PIK3C2G: variants seen among roughly 807,000 people sequenced by gnomAD.
PIK3C2G encodes the protein phosphatidylinositol 3-kinase C2 domain-containing subunit gamma.
A neutral mutation model predicts 181.1 loss-of-function variants in PIK3C2G; 168 were observed. That is an observed-to-expected ratio of 0.93 (90% confidence interval 0.82 to 1.05). PIK3C2G has a LOEUF of 1.05. Among genes scored for constraint, PIK3C2G ranks in the 50% least tolerant of loss-of-function variants. PIK3C2G has a pLI of 0.00. For synonymous variants in PIK3C2G, 573 were observed against 592.2 expected, an observed-to-expected ratio of 0.97 and a Z score of 0.47; for missense variants, 1,869 against 1,732.8, an observed-to-expected ratio of 1.08 and a Z score of -1.40.
intron 18 of PIK3C2G, among the ~76,000 whole-genome samples, chr12:18,457,151 T>A (rs1947674964): frequency 6.6e-6 from 1 of 152,202 alleles, no homozygotes; most frequent in East Asian, 1.9e-4. Context: ...CCATGGATAA[T>A]GGATAGAAGG....
chr12:18,429,096 A>G lies in PIK3C2G; in HGVS notation c.2504+5057A>G, dbSNP rs115943507. Among the ~76,000 whole-genome samples the G allele has an allele frequency of 7.0e-3, 1,064 of 152,298 alleles. 6 individuals carry two copies. Among genetic ancestry groups the G allele is most frequent in the African/African-American group, 0.019 (778 of 41,560 alleles). ...GAATTTAATTAAAGATCTTGAGATT[A>G]GTTCCCCCTGGATTATCAGGGTGAG... On this transcript the variant is annotated intron_variant, in intron 18 of 32. Transcript: ENST00000538779.
At chr12:18,416,452 C>A (rs1031856216) in intron 16 of PIK3C2G, among the ~76,000 whole-genome samples, 3 of 152,112 alleles carry the variant, frequency 2.0e-5, no homozygotes, top group Admixed American at 2.0e-4. Flanking sequence ...AAGATGCTAT[C>A]TAGGATTTTC....
At chr12:18,633,000 C>T (rs1409404590) in intron 31 of PIK3C2G, among the ~76,000 whole-genome samples, 2 of 152,178 alleles carry the variant, frequency 1.3e-5, no homozygotes, top group Admixed American at 6.5e-5. Context: ...TCCCTGTCAA[C>T]TTGCCACTCA....
At chr12:18,250,337 A>C (rs1331681902) in intron 1 of PIK3C2G, among the ~76,000 whole-genome samples, 1 of 152,050 alleles carries the variant, frequency 6.6e-6, no homozygotes, top group Non-Finnish European at 1.5e-5. Context: ...GTTATTATGA[A>C]TTTGCCGTAC....
chr12:18,477,955 G>A (rs151222605), intron 18 of PIK3C2G, among the ~76,000 whole-genome samples: 1 of 152,194 alleles, frequency 6.6e-6, no homozygotes, highest in South Asian at 2.1e-4. Flanking sequence ...AAGAACAAAA[G>A]GCTGAGGGGT....
the PIK3C2G span, among the ~76,000 whole-genome samples, chr12:18,667,797 A>G: frequency 6.6e-6 from 1 of 152,200 alleles, no homozygotes. Context: ...CCAGCAGTCA[A>G]TCCCAGCTCT....
chr12:18,662,254 C>T, the PIK3C2G span, among the ~76,000 whole-genome samples: 1 of 152,118 alleles, frequency 6.6e-6, no homozygotes, highest in Non-Finnish European at 1.5e-5. Flanking sequence ...GTACATCAAA[C>T]CCCTGCAACA....
At chr12:18,704,839 C>G in the PIK3C2G span, among the ~76,000 whole-genome samples, 1 of 152,020 alleles carries the variant, frequency 6.6e-6, no homozygotes, top group Non-Finnish European at 1.5e-5. Context: ...TAGTCTAGAA[C>G]TTTTGCCACT....
At chr12:18,381,624 A>C in intron 13 of PIK3C2G, 142 bp from the exon 14 acceptor site, 4 of 564,706 alleles carry the variant, frequency 7.1e-6, no homozygotes, top group Non-Finnish European at 1.3e-5. Context: ...CTGGTGGACT[A>C]TCTCATTTCT....
chr12:18,692,619 C>G, the PIK3C2G span: 1 of 572,316 alleles, frequency 1.7e-6, no homozygotes, highest in Middle Eastern at 4.8e-4. Flanking sequence ...AATATGAGGT[C>G]AACCGCAATG....
chr12:18,690,193 A>G, the PIK3C2G span, among the ~76,000 whole-genome samples: 24 of 152,162 alleles, frequency 1.6e-4, no homozygotes, highest in Middle Eastern at 6.8e-3. Flanking sequence ...ATAAGGTGGA[A>G]CAAAACACAT....
intron 15 of PIK3C2G, among the ~76,000 whole-genome samples, chr12:18,395,117 CT>C (rs1248941412): frequency 1.6e-5 from 2 of 122,414 alleles, no homozygotes; most frequent in Non-Finnish European, 3.4e-5. Context: ...CTTTCTTTCT[CT>C]CTTTCCCTTC....
intron 31 of PIK3C2G, among the ~76,000 whole-genome samples, chr12:18,612,169 A>C (rs1345309801): frequency 3.3e-5 from 5 of 151,982 alleles, no homozygotes; most frequent in African/African-American, 1.2e-4. Context: ...TATGGCAGGC[A>C]TGTTGCTGCC....
At chr12:18,705,484 C>A in the PIK3C2G span, among the ~76,000 whole-genome samples, 1 of 152,044 alleles carries the variant, frequency 6.6e-6, no homozygotes, top group African/African-American at 2.4e-5. Flanking sequence ...AAACAGAGAC[C>A]ATTAAATCTG....
chr12:18,523,712 G>T (rs1943055295), intron 24 of PIK3C2G, among the ~76,000 whole-genome samples: 1 of 152,204 alleles, frequency 6.6e-6, no homozygotes, highest in Non-Finnish European at 1.5e-5. Context: ...CCAGAGTTGG[G>T]CAGGGCCAGA....
chr12:18,285,941 C>G (rs1786028856), intron 2 of PIK3C2G, among the ~76,000 whole-genome samples: 1 of 151,492 alleles, frequency 6.6e-6, no homozygotes, highest in Admixed American at 6.6e-5. Context: ...TTGTTGTCTA[C>G]AAGGGACACA....
the PIK3C2G span, chr12:18,705,315 T>A: frequency 6.2e-7 from 1 of 1,614,064 alleles, no homozygotes; most frequent in Non-Finnish European, 8.5e-7. Context: ...TAGTCAGATG[T>A]CTAAAAAAGT....
chr12:18,588,116 A>T (rs887934950), intron 29 of PIK3C2G, among the ~76,000 whole-genome samples: 7 of 152,098 alleles, frequency 4.6e-5, no homozygotes, highest in African/African-American at 1.7e-4. Flanking sequence ...TGGTATAAAG[A>T]CTTACATATA....
chr12:18,440,304 C>T (rs1374226780), intron 18 of PIK3C2G, among the ~76,000 whole-genome samples: 3 of 151,928 alleles, frequency 2.0e-5, no homozygotes, highest in Non-Finnish European at 4.4e-5. Context: ...TGAGTTAAGC[C>T]ACATTGTAGT....
Sources: allele counts gnomAD v4.1 joint callset (sites outside exome capture counted in the v4.1 genomes callset), GRCh38; gene constraint gnomAD v4.1.1; transcripts MANE v1.5; gene names NCBI Gene and HGNC (gene_info 2026-07-23, HGNC 2026-07-21).